Variants in DENND1A observed in about 807,000 individuals in gnomAD.
The protein encoded by DENND1A is DENN domain-containing protein 1A.
Under a neutral mutation model 113.7 loss-of-function variants are expected in DENND1A, and 51 were observed. The ratio of observed to expected loss-of-function variants is 0.45; its 90% CI spans 0.36 to 0.57. DENND1A has a LOEUF of 0.57. Ranked by LOEUF, DENND1A falls within the 20% of genes least tolerant of loss-of-function variation. DENND1A has a pLI of 0.00. For synonymous variants in DENND1A, 565 were observed against 570.8 expected (o/e 0.99, Z 0.14); for missense variants, 1,258 against 1,395.9 (o/e 0.90, Z 1.57).
At chr9:123,913,113 TA>T (rs915063969) in intron 1 of DENND1A, among the ~76,000 whole-genome samples, 6,950 of 86,758 alleles carry the variant, frequency 0.08, 227 homozygotes, top group African/African-American at 0.17. Flanking sequence ...AAAGACAGTT[TA>T]AAAAAAAAAA....
chr9:123,464,083 A>T (rs1354460157), intron 13 of DENND1A, among the ~76,000 whole-genome samples: 1 of 152,196 alleles, frequency 6.6e-6, no homozygotes, highest in Non-Finnish European at 1.5e-5. Flanking sequence ...TAAAAACAAT[A>T]AAATACAAAT....
At chr9:123,779,872 C>CTTTTTTTTTTTTTTTTTTTTTTTT (rs72419269) in intron 3 of DENND1A, among the ~76,000 whole-genome samples, 1 of 143,878 alleles carries the variant, frequency 7.0e-6, no homozygotes, top group Admixed American at 6.7e-5. Flanking sequence ...TTGCATGAGA[C>CTTTTTTTTTTTTTTTTTTTTTTTT]TTTTTTTTGA....
chr9:123,914,892 C>T (rs1436770869), intron 1 of DENND1A, among the ~76,000 whole-genome samples: 2 of 152,088 alleles, frequency 1.3e-5, no homozygotes, highest in East Asian at 3.8e-4. Context: ...CTGGGAATCA[C>T]ATTTCCACAT....
At chr9:123,851,794 C>G (rs186607348) in intron 2 of DENND1A, among the ~76,000 whole-genome samples, 1 of 152,098 alleles carries the variant, frequency 6.6e-6, no homozygotes, top group Non-Finnish European at 1.5e-5. Context: ...CTGAAAGGAA[C>G]AAAGAAAATA....
chr9:123,661,008 C>T (rs1285831325), intron 8 of DENND1A, among the ~76,000 whole-genome samples: 6 of 152,206 alleles, frequency 3.9e-5, no homozygotes, highest in Admixed American at 3.9e-4. Context: ...CAGCCCCATT[C>T]AACAAAGAAT....
At chr9:123,710,934 A>C (rs573145305) in intron 5 of DENND1A, among the ~76,000 whole-genome samples, 5 of 152,166 alleles carry the variant, frequency 3.3e-5, no homozygotes, top group Admixed American at 6.5e-5. Context: ...CGGCCTCTCA[A>C]TGTGCTGGGA....
intron 8 of DENND1A, among the ~76,000 whole-genome samples, chr9:123,654,827 G>A (rs959742040): frequency 4.6e-5 from 7 of 152,166 alleles, no homozygotes; most frequent in African/African-American, 1.7e-4. Flanking sequence ...GTGGGAGTGG[G>A]TGGGAGTGCC....
chr9:123,541,206 C>G (rs932721235), intron 13 of DENND1A, among the ~76,000 whole-genome samples: 2 of 152,138 alleles, frequency 1.3e-5, no homozygotes, highest in Non-Finnish European at 2.9e-5. Context: ...AAAGTTGTTG[C>G]ATTAAGTAAT....
At chr9:123,752,755 T>C (rs1472824757) in intron 5 of DENND1A, among the ~76,000 whole-genome samples, 1 of 152,230 alleles carries the variant, frequency 6.6e-6, no homozygotes, top group African/African-American at 2.4e-5. Flanking sequence ...CACTTTGTTT[T>C]ATAATATTTA....
chr9:123,633,293 C>A (rs1275820011), intron 9 of DENND1A, among the ~76,000 whole-genome samples: 2 of 152,180 alleles, frequency 1.3e-5, no homozygotes, highest in Non-Finnish European at 2.9e-5. Flanking sequence ...GTCCTCACCT[C>A]CATGTTCTCA....
intron 13 of DENND1A, among the ~76,000 whole-genome samples, chr9:123,494,085 C>T (rs1009252769): frequency 4.6e-5 from 7 of 152,302 alleles, no homozygotes; most frequent in East Asian, 1.9e-4. Flanking sequence ...TAGGAAATTG[C>T]TTTGAGTGGG....
At chr9:123,813,404 A>AC (rs1294903173) in intron 2 of DENND1A, among the ~76,000 whole-genome samples, 2 of 150,482 alleles carry the variant, frequency 1.3e-5, no homozygotes, top group African/African-American at 4.9e-5. Flanking sequence ...TGTGAGTAGG[A>AC]CTTTTTTTTT....
At chr9:123,885,873 G>A (rs937301168) in intron 1 of DENND1A, among the ~76,000 whole-genome samples, 12 of 152,040 alleles carry the variant, frequency 7.9e-5, no homozygotes, top group Admixed American at 2.6e-4. Context: ...TCCGCCTCCC[G>A]GGTTCAAGTG....
intron 15 of DENND1A, among the ~76,000 whole-genome samples, chr9:123,455,038 T>C (rs2048013185): frequency 6.6e-6 from 1 of 152,086 alleles, no homozygotes; most frequent in African/African-American, 2.4e-5. Flanking sequence ...GCCAGGCTGG[T>C]CTCGAACTCC....
intron 8 of DENND1A, chr9:123,652,423 A>G (rs1054770924): frequency 1.2e-5 from 3 of 250,664 alleles, no homozygotes; most frequent in African/African-American, 2.2e-5. Context: ...GGAATTCTAC[A>G]TATCTTACAA....
chr9:123,717,702 C>T (rs1177138806), intron 5 of DENND1A, among the ~76,000 whole-genome samples: 1 of 152,196 alleles, frequency 6.6e-6, no homozygotes, highest in Non-Finnish European at 1.5e-5. Context: ...ATTTATGTAA[C>T]CTAGTGGGCA....
intron 5 of DENND1A, among the ~76,000 whole-genome samples, chr9:123,756,847 T>A (rs1484414446): frequency 6.6e-6 from 1 of 152,148 alleles, no homozygotes; most frequent in Non-Finnish European, 1.5e-5. Flanking sequence ...TCTGGCCTTT[T>A]ATTCCCAGGC....
At chr9:123,926,860 A>G (rs1857203417) in intron 1 of DENND1A, among the ~76,000 whole-genome samples, 2 of 151,708 alleles carry the variant, frequency 1.3e-5, no homozygotes. Flanking sequence ...TATGTCCAGC[A>G]TGGTACGGGA....
At chr9:123,716,353 T>C (rs1311803403) in intron 5 of DENND1A, among the ~76,000 whole-genome samples, 1 of 152,134 alleles carries the variant, frequency 6.6e-6, no homozygotes, top group South Asian at 2.1e-4. Context: ...AGTTCCCATA[T>C]AGTAACAGTA....
Sources: gnomAD v4.1 joint callset for allele counts (sites outside exome capture counted in the v4.1 genomes callset) on GRCh38, gnomAD v4.1.1 for gene constraint, MANE v1.5 for transcripts, NCBI Gene and HGNC (gene_info 2026-07-23, HGNC 2026-07-21) for gene names.